The following TRPM3 variants were observed in gnomAD, a reference collection of about 807,000 sequenced individuals.
TRPM3 encodes the protein long transient receptor potential channel 3.
Under a neutral mutation model 181.2 loss-of-function variants are expected in TRPM3, and 77 were observed. That is an observed-to-expected ratio of 0.42 (90% CI 0.35 to 0.51). The LOEUF (loss-of-function observed/expected upper bound fraction) is 0.51, where lower values mean the gene tolerates loss of function less well. TRPM3 is among the 20% of genes least tolerant of loss of function. The probability of loss-of-function intolerance (pLI) is 0.01; values close to 1 mark genes in which losing one functional copy is unlikely to be tolerated. For synonymous variants in TRPM3, 745 were observed against 796.4 expected, an observed-to-expected ratio of 0.94 and a Z score of 1.09; for missense variants, 1,759 against 2,196.7, an observed-to-expected ratio of 0.80 and a Z score of 3.98.
At chr9:70,998,174 CATAT>C (rs1018302549) in intron 1 of TRPM3, among the ~76,000 whole-genome samples, 1 of 142,982 alleles carries the variant, frequency 7.0e-6, no homozygotes, top group Non-Finnish European at 1.5e-5. Flanking sequence ...CATATATACA[CATAT>C]ATATACATAT....
intron 1 of TRPM3, among the ~76,000 whole-genome samples, chr9:70,990,573 C>T (rs1019264032): frequency 4.6e-5 from 7 of 152,050 alleles, no homozygotes; most frequent in Admixed American, 2.0e-4. Context: ...GAAATGTTTG[C>T]ATTAAAATGA....
In TRPM3 at chr9:70,536,446, T is replaced by C. The variant is rs762657815; in HGVS notation, c.4667A>G (p.Tyr1556Cys). 4 of 1,614,084 alleles carry C rather than the reference T, an allele frequency of 2.5e-6. No individual in the cohort carries two copies. In the African/African-American group the frequency reaches 5.3e-5, roughly 22 times the overall value. Reference sequence around the variant, plus strand: ...GTCAATACAGTCTGTAATACTTGTGTATTCTGCTGTTTTTACAGGCACCCC... The same window carrying C: ...GTCAATACAGTCTGTAATACTTGTGCATTCTGCTGTTTTTACAGGCACCCC... ...NFGVPVKTAE[Y>C]TSITDCIDTR... Residue 1556 changes from tyrosine (Y) to cysteine (C), a missense_variant, in exon 26 of 26, where the codon TAC (tyrosine) becomes TGC (cysteine). Physicochemically the swap from Tyr to Cys is radical, Grantham distance 194. Transcript: ENST00000677713.
At chr9:71,289,606 G>A (rs916628462) in intron 1 of TRPM3, among the ~76,000 whole-genome samples, 3 of 152,000 alleles carry the variant, frequency 2.0e-5, no homozygotes, top group Non-Finnish European at 2.9e-5. Flanking sequence ...AGTGGCTCAC[G>A]CCTGTAATCC....
chr9:70,659,986 C>T (rs1256395255), intron 9 of TRPM3, among the ~76,000 whole-genome samples: 4 of 152,154 alleles, frequency 2.6e-5, no homozygotes, highest in African/African-American at 2.4e-5. Context: ...TTTCTCCCTT[C>T]TCCCCCTATT....
At chr9:71,148,576 C>A (rs560929850) in intron 1 of TRPM3, among the ~76,000 whole-genome samples, 23 of 152,210 alleles carry the variant, frequency 1.5e-4, no homozygotes, top group African/African-American at 5.3e-4. Flanking sequence ...AAGACTGACA[C>A]CTGGAAAATC....
intron 22 of TRPM3, among the ~76,000 whole-genome samples, chr9:70,567,801 G>A (rs771347563): frequency 1.3e-5 from 2 of 152,138 alleles, no homozygotes; most frequent in Non-Finnish European, 2.9e-5. Flanking sequence ...GGGTATTTAC[G>A]GACTTAGGGA....
At chr9:71,260,450 T>C (rs1400673329) in intron 1 of TRPM3, among the ~76,000 whole-genome samples, 1 of 152,198 alleles carries the variant, frequency 6.6e-6, no homozygotes, top group Admixed American at 6.5e-5. Flanking sequence ...GGAATAGCAC[T>C]GAATCTATCA....
chr9:71,373,748 A>G (rs1265594568), intron 1 of TRPM3, among the ~76,000 whole-genome samples: 2 of 152,178 alleles, frequency 1.3e-5, no homozygotes, highest in African/African-American at 4.8e-5. Flanking sequence ...AAAAATGGAA[A>G]AGGAGGGACT....
At chr9:71,276,800 A>G (rs2084249816) in intron 1 of TRPM3, among the ~76,000 whole-genome samples, 1 of 152,198 alleles carries the variant, frequency 6.6e-6, no homozygotes, top group African/African-American at 2.4e-5. Flanking sequence ...CTAGGTATTA[A>G]TTCTTGACAA....
chr9:70,655,244 T>C (rs1284065802), intron 9 of TRPM3, among the ~76,000 whole-genome samples: 2 of 131,700 alleles, frequency 1.5e-5, no homozygotes, highest in African/African-American at 5.9e-5. Flanking sequence ...AGGCAGAGGT[T>C]GCAGTGAGCT....
chr9:71,053,452 G>GT (rs1484340566), intron 1 of TRPM3, among the ~76,000 whole-genome samples: 3 of 152,110 alleles, frequency 2.0e-5, no homozygotes, highest in Non-Finnish European at 2.9e-5. Context: ...GCCCTGAGAA[G>GT]TTAAGGTCTT....
chr9:71,367,688 G>A (rs1206291432), intron 1 of TRPM3, among the ~76,000 whole-genome samples: 1 of 152,032 alleles, frequency 6.6e-6, no homozygotes, highest in African/African-American at 2.4e-5. Context: ...GGTTATTTGA[G>A]GATGCATTAA....
chr9:70,949,721 G>A (rs912744490), intron 1 of TRPM3, among the ~76,000 whole-genome samples: 2 of 151,990 alleles, frequency 1.3e-5, no homozygotes, highest in Non-Finnish European at 2.9e-5. Flanking sequence ...AATCTTAAAG[G>A]CAATAAATGG....
chr9:70,584,410 G>A (rs1042414120), intron 22 of TRPM3, among the ~76,000 whole-genome samples: 1 of 151,990 alleles, frequency 6.6e-6, no homozygotes, highest in Admixed American at 6.6e-5. Context: ...TCTTTTTTGA[G>A]TTTCAGGTCA....
intron 1 of TRPM3, among the ~76,000 whole-genome samples, chr9:71,402,265 T>C (rs1106949): frequency 0.024 from 3,625 of 152,290 alleles, 89 homozygotes; most frequent in African/African-American, 0.06. Flanking sequence ...TGGCACAAAA[T>C]CTTGCCTCTT....
At chr9:71,134,887 TC>T (rs1414629101) in intron 1 of TRPM3, among the ~76,000 whole-genome samples, 1 of 152,190 alleles carries the variant, frequency 6.6e-6, no homozygotes, top group Non-Finnish European at 1.5e-5. Context: ...TCTAGAGCTG[TC>T]CACCTGGTAC....
At chr9:70,557,221 T>C (rs931675340) in intron 22 of TRPM3, among the ~76,000 whole-genome samples, 2 of 152,206 alleles carry the variant, frequency 1.3e-5, no homozygotes, top group Non-Finnish European at 2.9e-5. Context: ...ACATTTGAAC[T>C]GTGATAGTCC....
chr9:70,993,054 G>T (rs1165122570), intron 1 of TRPM3, among the ~76,000 whole-genome samples: 1 of 152,174 alleles, frequency 6.6e-6, no homozygotes, highest in Non-Finnish European at 1.5e-5. Context: ...AATGTACCTG[G>T]TGTGCAGTAA....
At chr9:70,628,467 G>A (rs559019267) in intron 12 of TRPM3, among the ~76,000 whole-genome samples, 1 of 152,286 alleles carries the variant, frequency 6.6e-6, no homozygotes, top group South Asian at 2.1e-4. Context: ...AGGACTTTTT[G>A]TGATGCTATA....
Sources: allele counts gnomAD v4.1 joint callset (sites outside exome capture counted in the v4.1 genomes callset), GRCh38; gene constraint gnomAD v4.1.1; transcripts MANE v1.5; gene names NCBI Gene and HGNC (gene_info 2026-07-23, HGNC 2026-07-21).